OSBPL3: variants seen among roughly 807,000 people sequenced by gnomAD.
The protein encoded by OSBPL3 is oxysterol binding protein like 3.
OSBPL3 carries 65 observed loss-of-function variants against 120.1 expected under a neutral mutation model. The ratio of observed to expected loss-of-function variants is 0.54; its 90% CI spans 0.44 to 0.67. OSBPL3 has a LOEUF of 0.67. Among genes scored for constraint, OSBPL3 ranks in the 30% least tolerant of loss-of-function variants. The probability of loss-of-function intolerance (pLI) is 0.00; values close to 1 mark genes in which losing one functional copy is unlikely to be tolerated. For synonymous variants in OSBPL3, 416 were observed against 402.6 expected (o/e 1.03, Z -0.40); for missense variants, 1,004 against 1,082.1 (o/e 0.93, Z 1.01).
intron 1 of OSBPL3, among the ~76,000 whole-genome samples, chr7:24,945,946 A>C (rs2128490048): frequency 6.6e-6 from 1 of 152,346 alleles, no homozygotes; most frequent in African/African-American, 2.4e-5. Flanking sequence ...TATCTGGCTC[A>C]TAATTTAAAT....
intron 18 of OSBPL3, 136 bp downstream of exon 18, chr7:24,816,474 C>A: frequency 1.5e-6 from 1 of 665,088 alleles, no homozygotes; most frequent in African/African-American, 1.8e-5. Flanking sequence ...AACATTTAAA[C>A]CTACTGTCAG....
chr7:24,804,495 A>G lies in OSBPL3; in HGVS notation c.2445-58T>C, dbSNP rs199830183. On this transcript the variant is annotated intron_variant, in intron 21 of 22. Transcript: ENST00000313367. The surrounding 1 kb of genome is among the most constrained non-coding windows in gnomAD (Gnocchi z 5.4). ...ATGAATTCAAGAAAACAAAACAATC[A>G]TTACTACTCAACTTGCATGTGTCCA... The G allele has an allele frequency of 3.5e-5, 54 of 1,533,836 alleles. No individual in the cohort carries two copies. Among genetic ancestry groups the G allele is most frequent in the Non-Finnish European group, 4.1e-5 (46 of 1,120,410 alleles).
intron 19 of OSBPL3, among the ~76,000 whole-genome samples, chr7:24,812,334 CAAGAA>C (rs1418824633): frequency 6.9e-6 from 1 of 145,232 alleles, no homozygotes; most frequent in African/African-American, 2.5e-5. Flanking sequence ...AGAACAAGAA[CAAGAA>C]AAGAAAAGGT....
chr7:24,888,042 T>C (rs939290199), intron 2 of OSBPL3, among the ~76,000 whole-genome samples: 1 of 152,186 alleles, frequency 6.6e-6, no homozygotes, highest in African/African-American at 2.4e-5. Flanking sequence ...GAGTAAGGCA[T>C]TTTTTATTTT....
intron 2 of OSBPL3, among the ~76,000 whole-genome samples, chr7:24,876,710 C>T (rs532987674): frequency 6.6e-6 from 1 of 152,080 alleles, no homozygotes; most frequent in Admixed American, 6.5e-5. Flanking sequence ...AAGAATAGTG[C>T]CTCAGGAAAT....
intron 2 of OSBPL3, among the ~76,000 whole-genome samples, chr7:24,875,899 T>G (rs529613747): frequency 6.8e-4 from 103 of 152,272 alleles, no homozygotes; most frequent in Non-Finnish European, 1.4e-3. Context: ...GAACCACTAA[T>G]GAACTTGGTA....
chr7:24,840,906 G>A (rs1797659621), intron 13 of OSBPL3, 123 bp from the exon 14 acceptor site: 3 of 560,490 alleles, frequency 5.4e-6, no homozygotes, highest in Non-Finnish European at 9.2e-6. Flanking sequence ...CTTGGGTACT[G>A]TTTTCATAAA....
At chr7:24,911,312 G>A (rs1028085465) in intron 1 of OSBPL3, among the ~76,000 whole-genome samples, 43 of 152,124 alleles carry the variant, frequency 2.8e-4, no homozygotes, top group African/African-American at 9.7e-4. Context: ...AACTGCTTGC[G>A]GAAGCTTGGT....
At chr7:24,861,275 AG>A (rs1800494903) in intron 10 of OSBPL3, among the ~76,000 whole-genome samples, 3 of 152,224 alleles carry the variant, frequency 2.0e-5, no homozygotes, top group African/African-American at 7.2e-5. Context: ...AATTCTTCAA[AG>A]TGGAATTGCT....
At chr7:24,931,776 T>G (rs1364617089) in intron 1 of OSBPL3, among the ~76,000 whole-genome samples, 2 of 149,304 alleles carry the variant, frequency 1.3e-5, no homozygotes, top group African/African-American at 2.5e-5. Flanking sequence ...AGGAAGGGGA[T>G]GTAAGGAAAT....
intron 16 of OSBPL3, among the ~76,000 whole-genome samples, chr7:24,829,419 TC>T: frequency 6.6e-6 from 1 of 152,332 alleles, no homozygotes; most frequent in African/African-American, 2.4e-5. Context: ...ATATTCACTT[TC>T]CTTTGAGTTC....
At chr7:24,926,147 T>A (rs979763538) in intron 1 of OSBPL3, among the ~76,000 whole-genome samples, 3 of 152,216 alleles carry the variant, frequency 2.0e-5, no homozygotes, top group Non-Finnish European at 4.4e-5. Context: ...GAATTGGGGA[T>A]GATAGTGACC....
intron 10 of OSBPL3, among the ~76,000 whole-genome samples, chr7:24,861,150 T>C (rs1800473951): frequency 6.6e-6 from 1 of 152,348 alleles, no homozygotes; most frequent in Non-Finnish European, 1.5e-5. Context: ...TCATCATGGC[T>C]TTAATCTGCA....
At chr7:24,934,836 G>A (rs960685892) in intron 1 of OSBPL3, among the ~76,000 whole-genome samples, 1 of 152,122 alleles carries the variant, frequency 6.6e-6, no homozygotes, top group African/African-American at 2.4e-5. Context: ...ACAGGCAGAT[G>A]GAAACGCCAG....
At position 24,817,530 on chromosome 7, in the gene OSBPL3, G is replaced by A. The variant is rs75684908; in HGVS notation, c.1949-842C>T. Among the ~76,000 whole-genome samples the A allele has an allele frequency of 0.12, 17,666 of 151,978 alleles. 2,779 individuals carry two copies. The highest frequency in any genetic ancestry group is 0.36 in the African/African-American group (15,059 of 41,356). On this transcript the variant is annotated intron_variant, in intron 17 of 22. Coordinates refer to ENST00000313367, the MANE Select transcript of OSBPL3 (RefSeq NM_015550.4). This position sits in a 1 kb window ranked among gnomAD's most constrained non-coding sequence, Gnocchi z 4.0. Reference sequence around the variant, plus strand: ...AAAAAAACAAAACAAAACTGAAAACGAAAAACAATGGGCTCTCCAAGCCTG... The same window carrying A: ...AAAAAAACAAAACAAAACTGAAAACAAAAAACAATGGGCTCTCCAAGCCTG...
At chr7:24,907,102 AC>A (rs906008029) in intron 1 of OSBPL3, among the ~76,000 whole-genome samples, 32 of 151,196 alleles carry the variant, frequency 2.1e-4, no homozygotes, top group African/African-American at 7.8e-4. Context: ...TGACCTCATC[AC>A]CCCCCAATGT....
At chr7:24,816,965 AG>A (rs1794551147) in intron 17 of OSBPL3, among the ~76,000 whole-genome samples, 1 of 152,204 alleles carries the variant, frequency 6.6e-6, no homozygotes, top group South Asian at 2.1e-4. Flanking sequence ...GCTATAACTG[AG>A]TGTGTTATAA....
rs757708190 is a variant in OSBPL3 at position 24,834,443 on chromosome 7, G to A, written c.1746+43C>T. 6.4e-7 allele frequency: 1 copy of A among 1,574,008 alleles called. No individual in the cohort carries two copies. The highest frequency in any genetic ancestry group is 1.2e-5 in the South Asian group (1 of 84,312). Reference sequence around the variant, plus strand: ...GCCCCGTGAATGGCCTCGTGGCTTGGGGACCGAGGCTGGACAGTGGCAAGG... The same window carrying A: ...GCCCCGTGAATGGCCTCGTGGCTTGAGGACCGAGGCTGGACAGTGGCAAGG... On this transcript the variant is annotated intron_variant, in intron 15 of 22. Transcript: ENST00000313367. This position sits in a 1 kb window ranked among gnomAD's most constrained non-coding sequence, Gnocchi z 5.2.
At chr7:24,859,425 C>T (rs548181166) in intron 10 of OSBPL3, among the ~76,000 whole-genome samples, 1 of 152,224 alleles carries the variant, frequency 6.6e-6, no homozygotes, top group African/African-American at 2.4e-5. Context: ...TTGTATATAT[C>T]CTTCCAGACT....
Sources: allele counts gnomAD v4.1 joint callset (sites outside exome capture counted in the v4.1 genomes callset), GRCh38; gene constraint gnomAD v4.1.1; non-coding constraint Gnocchi (gnomAD v3.1); transcripts MANE v1.5; gene names NCBI Gene and HGNC (gene_info 2026-07-23, HGNC 2026-07-21).